Variants in CHST11 observed in about 807,000 individuals in gnomAD.
CHST11 encodes the protein carbohydrate sulfotransferase 11.
In CHST11, 9 loss-of-function variants were observed where a neutral mutation model predicts 30.4. The observed-to-expected ratio is 0.30, with a 90% CI of 0.18 to 0.52. The LOEUF is 0.52. CHST11 is among the 20% of genes least tolerant of loss of function. CHST11 has a pLI of 0.97. For synonymous variants in CHST11, 152 were observed against 187.8 expected (o/e 0.81, Z 1.56); for missense variants, 348 against 460.6 (o/e 0.76, Z 2.24).
In CHST11 at chr12:104,757,162, G is replaced by C; in HGVS notation, c.418G>C (p.Gly140Arg). 1 of 1,614,148 alleles carries C rather than the reference G, an allele frequency of 6.2e-7. No individual in the cohort carries two copies. The highest frequency in any genetic ancestry group is 1.1e-5 in the South Asian group (1 of 91,084). ...GAAGCGGCTCATGATGGTCCTGACC[G>C]GGCGGGGGAAGTACAGCGACCCCAT... The part of the protein sequence containing the change: ...NWKRLMMVLT[G>R]RGKYSDPMEI... The change falls in exon 3 of 3, where the codon GGG (glycine) becomes CGG (arginine). Residue 140 changes from glycine to arginine, a missense_variant. This residue lies in a region of CHST11 where 210 missense variants were observed against 287.2 expected (regional missense o/e 0.73). Transcript: ENST00000303694. The surrounding 1 kb of genome is among the most constrained non-coding windows in gnomAD (Gnocchi z 6.5).
intron 2 of CHST11, among the ~76,000 whole-genome samples, chr12:104,688,725 G>A (rs1046967299): frequency 6.6e-6 from 1 of 152,150 alleles, no homozygotes; most frequent in African/African-American, 2.4e-5. Flanking sequence ...ACCAAAATAG[G>A]GGTGTGGTTA....
rs750754971 is a variant in CHST11, at chr12:104,757,218, C to T, written c.474C>T (p.Ser158=). 9.3e-6 allele frequency: 15 copies of T among 1,613,984 alleles called. No individual in the cohort carries two copies. The highest frequency in any genetic ancestry group is 3.3e-5 in the Admixed American group (2 of 59,990). Residue 158 remains serine, a synonymous_variant, in exon 3 of 3, where the codon TCC becomes TCT. Coordinates refer to ENST00000303694, the MANE Select transcript of CHST11 (RefSeq NM_018413.6). The surrounding 1 kb of genome is among the most constrained non-coding windows in gnomAD (Gnocchi z 6.5). ...MEIPANEAHV[S]ANLKTLNQYS... ...TCCCGGCCAACGAGGCACACGTCTC[C>T]GCCAACCTGAAGACCCTGAACCAGT...
intron 1 of CHST11, among the ~76,000 whole-genome samples, chr12:104,478,471 G>A (rs2135958982): frequency 6.6e-6 from 1 of 152,206 alleles, no homozygotes; most frequent in Admixed American, 6.5e-5. Flanking sequence ...CTTCCCCATA[G>A]TCTCTTTTAT....
intron 1 of CHST11, among the ~76,000 whole-genome samples, chr12:104,513,307 T>G (rs1249312559): frequency 6.6e-6 from 1 of 152,142 alleles, no homozygotes; most frequent in Non-Finnish European, 1.5e-5. Context: ...ATTTTCTATA[T>G]TCAGAGATTA....
chr12:104,572,656 A>T (rs952474263), intron 1 of CHST11, among the ~76,000 whole-genome samples: 4 of 151,980 alleles, frequency 2.6e-5, no homozygotes, highest in South Asian at 2.1e-4. Context: ...TGATCTTTTT[A>T]AAAAAACTAG....
At chr12:104,575,103 G>A (rs1332668486) in intron 1 of CHST11, among the ~76,000 whole-genome samples, 1 of 151,670 alleles carries the variant, frequency 6.6e-6, no homozygotes, top group African/African-American at 2.4e-5. Flanking sequence ...TGAGGCACAA[G>A]AATTACTTGA....
At chr12:104,753,835 T>C (rs1270601238) in intron 2 of CHST11, among the ~76,000 whole-genome samples, 1 of 152,208 alleles carries the variant, frequency 6.6e-6, no homozygotes, top group Non-Finnish European at 1.5e-5. Context: ...TGATTGCGTA[T>C]CTACTGTGTT....
At chr12:104,586,271 G>C (rs1180178774) in intron 1 of CHST11, among the ~76,000 whole-genome samples, 3 of 152,160 alleles carry the variant, frequency 2.0e-5, no homozygotes, top group Non-Finnish European at 2.9e-5. Flanking sequence ...GTAGGCTCAG[G>C]GTTTGCCCAG....
At chr12:104,735,432 G>A (rs529816293) in intron 2 of CHST11, among the ~76,000 whole-genome samples, 3 of 152,252 alleles carry the variant, frequency 2.0e-5, no homozygotes, top group Admixed American at 6.5e-5. Flanking sequence ...ATAATACCAC[G>A]TTCTATAAGA....
intron 2 of CHST11, among the ~76,000 whole-genome samples, chr12:104,673,040 A>T (rs2039710369): frequency 6.6e-6 from 1 of 152,184 alleles, no homozygotes; most frequent in Non-Finnish European, 1.5e-5. Flanking sequence ...CTAAGGGAAG[A>T]TTTATTATTT....
intron 2 of CHST11, among the ~76,000 whole-genome samples, chr12:104,653,530 G>A (rs937395939): frequency 6.6e-6 from 1 of 152,164 alleles, no homozygotes; most frequent in Non-Finnish European, 1.5e-5. Flanking sequence ...GTGAATCCGA[G>A]TACCTGAGAG....
chr12:104,710,414 G>T (rs1225526746), intron 2 of CHST11, among the ~76,000 whole-genome samples: 1 of 152,082 alleles, frequency 6.6e-6, no homozygotes, highest in Non-Finnish European at 1.5e-5. Flanking sequence ...GGCTCTCTGG[G>T]GAATCAGTTT....
chr12:104,578,635 G>A (rs1354362481), intron 1 of CHST11, among the ~76,000 whole-genome samples: 2 of 152,212 alleles, frequency 1.3e-5, no homozygotes, highest in Non-Finnish European at 2.9e-5. Flanking sequence ...GAATCCCTAA[G>A]TCCTGTCTGA....
rs373587217 is a variant in CHST11, at chr12:104,757,362, C to G, written c.618C>G (p.Ile206Met). 1 of 1,614,050 alleles carries G rather than the reference C, an allele frequency of 6.2e-7. No individual in the cohort carries two copies. The highest frequency in any genetic ancestry group is 8.5e-7 in the Non-Finnish European group (1 of 1,180,048). ...ACAAGTTCACCCAGAAGTACAACAT[C>G]TCCTTCCACAAGCGGTACGGCACCA... ...YRNKFTQKYN[I>M]SFHKRYGTKI... Residue 206 changes from isoleucine to methionine, a missense_variant, in exon 3 of 3, where the codon ATC (isoleucine) becomes ATG (methionine). By Grantham distance (10) the Ile-to-Met change is conservative (BLOSUM62 1). Around this residue, in one of 3 missense-constraint regions of CHST11, gnomAD observed 210 missense variants for 287.2 expected, o/e 0.73. Coordinates refer to ENST00000303694, the MANE Select transcript of CHST11 (RefSeq NM_018413.6). The surrounding 1 kb of genome is among the most constrained non-coding windows in gnomAD (Gnocchi z 6.5).
chr12:104,626,931 G>A (rs1477595190), intron 2 of CHST11, among the ~76,000 whole-genome samples: 3 of 152,070 alleles, frequency 2.0e-5, no homozygotes, highest in Non-Finnish European at 4.4e-5. Context: ...GTTTGGACAT[G>A]TAGCCACGTG....
chr12:104,698,964 A>G (rs950829034), intron 2 of CHST11, among the ~76,000 whole-genome samples: 42 of 152,236 alleles, frequency 2.8e-4, no homozygotes, highest in Admixed American at 1.6e-3. Flanking sequence ...TTCCTAATCA[A>G]TATGAATTAG....
intron 1 of CHST11, among the ~76,000 whole-genome samples, chr12:104,476,440 T>G (rs1408493768): frequency 2.0e-5 from 3 of 152,068 alleles, no homozygotes; most frequent in African/African-American, 7.2e-5. Context: ...CACCGAATCA[T>G]GGGCATTTTC....
chr12:104,620,356 G>A (rs2039148281), intron 2 of CHST11, among the ~76,000 whole-genome samples: 1 of 152,200 alleles, frequency 6.6e-6, no homozygotes, highest in South Asian at 2.1e-4. Context: ...GCAGATACTA[G>A]GGGAGTTCAG....
At chr12:104,682,161 C>A (rs1374134275) in intron 2 of CHST11, among the ~76,000 whole-genome samples, 2 of 152,078 alleles carry the variant, frequency 1.3e-5, no homozygotes, top group Admixed American at 6.5e-5. Flanking sequence ...AAGACACTGG[C>A]ATAATATTTT....
Sources: allele counts gnomAD v4.1 joint callset (sites outside exome capture counted in the v4.1 genomes callset), GRCh38; gene constraint gnomAD v4.1.1; regional missense constraint gnomAD v4.1.1; non-coding constraint Gnocchi (gnomAD v3.1); transcripts MANE v1.5; gene names NCBI Gene and HGNC (gene_info 2026-07-23, HGNC 2026-07-21).